Variants in ITIH2 observed in about 807,000 individuals in gnomAD.
ITIH2 encodes the protein inter-alpha-trypsin inhibitor heavy chain H2.
ITIH2 carries 103 observed loss-of-function variants against 104.4 expected under a neutral mutation model. The ratio of observed to expected loss-of-function variants is 0.99; its 90% CI spans 0.84 to 1.16. ITIH2 has a LOEUF of 1.16. ITIH2 is among the 50% of genes most tolerant of loss of function. ITIH2 has a pLI of 0.00. For synonymous variants in ITIH2, 436 were observed against 435.4 expected (o/e 1.00, Z -0.02); for missense variants, 1,108 against 1,162.4 (o/e 0.95, Z 0.68).
At chr10:7,739,257 T>A (rs901744486) in intron 16 of ITIH2, among the ~76,000 whole-genome samples, 1 of 152,192 alleles carries the variant, frequency 6.6e-6, no homozygotes, top group Non-Finnish European at 1.5e-5. Context: ...CCCACAGAGA[T>A]CACAGCTGCT....
chr10:7,719,225 A>G (rs1834878788), intron 6 of ITIH2, among the ~76,000 whole-genome samples: 1 of 152,232 alleles, frequency 6.6e-6, no homozygotes, highest in Non-Finnish European at 1.5e-5. Context: ...TCAGTTCACT[A>G]TCAGAGTCTA....
At chr10:7,714,671 T>A (rs974650099) in intron 5 of ITIH2, among the ~76,000 whole-genome samples, 3 of 152,152 alleles carry the variant, frequency 2.0e-5, no homozygotes, top group Non-Finnish European at 2.9e-5. Flanking sequence ...GTCAGCCTCA[T>A]GCAGGAGACA....
intron 14 of ITIH2, among the ~76,000 whole-genome samples, chr10:7,732,813 C>T (rs57377007): frequency 0.12 from 17,645 of 152,064 alleles, 1,087 homozygotes; most frequent in Admixed American, 0.18. Flanking sequence ...CTGCAAGCTC[C>T]GCCTCCCGGG....
intron 15 of ITIH2, among the ~76,000 whole-genome samples, chr10:7,736,061 C>G (rs11255326): frequency 0.021 from 3,123 of 152,148 alleles, 111 homozygotes; most frequent in African/African-American, 0.066. Flanking sequence ...TAAGCAAATC[C>G]TATATTACAA....
intron 8 of ITIH2, among the ~76,000 whole-genome samples, chr10:7,722,977 A>G (rs1044278377): frequency 1.4e-5 from 2 of 143,946 alleles, no homozygotes; most frequent in African/African-American, 5.2e-5. Context: ...GAGTGGAGTG[A>G]AGTGGCGTGG....
intron 15 of ITIH2, 91 bp from the exon 16 acceptor site, chr10:7,738,530 T>G (rs887253131): frequency 7.1e-7 from 1 of 1,410,962 alleles, no homozygotes; most frequent in Non-Finnish European, 1.0e-6. Flanking sequence ...TGACAATACC[T>G]GGGGGTGCAT....
intron 19 of ITIH2, among the ~76,000 whole-genome samples, chr10:7,745,736 A>G (rs1031057117): frequency 6.6e-6 from 1 of 150,872 alleles, no homozygotes; most frequent in African/African-American, 2.4e-5. Context: ...ACAGAGGGAG[A>G]CTCCATCTCT....
chr10:7,731,830 C>T lies in ITIH2; in HGVS notation c.1481C>T (p.Ser494Phe), dbSNP rs1050374969. The change falls in exon 13 of 21, where the codon TCC becomes TTC. Residue 494 changes from serine (S) to phenylalanine (F), a missense_variant. Physicochemically the swap from Ser to Phe is radical, Grantham distance 155. Transcript: ENST00000358415. ...SQLKKFYNQVSTPLLRNVQFN... is the reference protein window; with the variant it reads ...SQLKKFYNQVFTPLLRNVQFN... ...TTGTAGAAATTCTACAACCAGGTCT[C>T]CACTCCATTGCTCCGGAATGTTCAG... The T allele has an allele frequency of 6.2e-7, 1 of 1,609,542 alleles. No individual in the cohort carries two copies. Among genetic ancestry groups the T allele is most frequent in the Non-Finnish European group, 8.5e-7 (1 of 1,177,706 alleles).
chr10:7,703,454 T>C lies in ITIH2; in HGVS notation c.20T>C (p.Phe7Ser). Residue 7 changes from phenylalanine (F) to serine (S), a missense_variant, in exon 1 of 21, where the codon TTT becomes TCT. Coordinates refer to ENST00000358415, the MANE Select transcript of ITIH2 (RefSeq NM_002216.3). MKRLTC[F>S]FICFFLSEVS... is the part of the protein sequence containing the mutation. ...AGCAAAATGAAAAGACTCACGTGCT[T>C]TTTCATCTGCTTCTTTCTTTCTGAA... 2 of 1,613,982 alleles carry C rather than the reference T, an allele frequency of 1.2e-6. No individual in the cohort carries two copies. The highest frequency in any genetic ancestry group is 1.7e-6 in the Non-Finnish European group (2 of 1,179,854).
intron 16 of ITIH2, among the ~76,000 whole-genome samples, chr10:7,740,732 C>T (rs1377154997): frequency 6.6e-6 from 1 of 152,196 alleles, no homozygotes; most frequent in Non-Finnish European, 1.5e-5. Flanking sequence ...CTTGTCCATA[C>T]ACTGAAATCT....
At chr10:7,703,979 C>T (rs1834721861) in intron 1 of ITIH2, among the ~76,000 whole-genome samples, 1 of 152,228 alleles carries the variant, frequency 6.6e-6, no homozygotes, top group Non-Finnish European at 1.5e-5. Context: ...CACTGTTTTT[C>T]ATATCTAAGT....
chr10:7,745,227 G>T (rs552957548), intron 19 of ITIH2, among the ~76,000 whole-genome samples: 1 of 152,272 alleles, frequency 6.6e-6, no homozygotes, highest in East Asian at 1.9e-4. Flanking sequence ...TTATGTTAAA[G>T]ATTTTTTTCT....
At position 7,717,578 on chromosome 10, in the gene ITIH2, T is replaced by C. The variant is rs1473113183; in HGVS notation, c.468-48T>C. ...CCTCTGCCTAGATTCTGGGTCTTGC[T>C]GCTCAATCATGTATCTGTTGACTTT... is the stretch of plus-strand genomic sequence containing the variant. On this transcript the variant is annotated intron_variant, in intron 5 of 20. Coordinates refer to ENST00000358415, the MANE Select transcript of ITIH2 (RefSeq NM_002216.3). 4 of 1,576,344 alleles carry C rather than the reference T, an allele frequency of 2.5e-6. No homozygotes were observed. The African/African-American group carries it at 4.0e-5, about 16-fold the overall frequency.
Position 7,743,213 on chromosome 10 carries a change from C to A in ITIH2, c.2163C>A (p.Asp721Glu). The A allele has an allele frequency of 6.3e-7, 1 of 1,596,530 alleles. No individual in the cohort carries two copies. Among genetic ancestry groups the A allele is most frequent in the Non-Finnish European group, 8.5e-7 (1 of 1,172,436 alleles). The part of the protein sequence containing the change: ...KSQKNICFNI[D>E]SEPGKILNLV... Reference sequence around the variant, plus strand: ...AAAAGAACATTTGTTTCAATATTGACTCAGAACCTGGAAAAATCCTCAACC... The same window carrying A: ...AAAAGAACATTTGTTTCAATATTGAATCAGAACCTGGAAAAATCCTCAACC... Residue 721 changes from aspartate (D) to glutamate (E), a missense_variant, in exon 17 of 21, where the codon GAC becomes GAA. By Grantham distance (45) the Asp-to-Glu change is conservative. Coordinates refer to ENST00000358415, the MANE Select transcript of ITIH2 (RefSeq NM_002216.3).
chr10:7,716,228 ACCTCAG>A (rs1378351647), intron 5 of ITIH2, among the ~76,000 whole-genome samples: 61 of 151,886 alleles, frequency 4.0e-4, no homozygotes, highest in African/African-American at 1.1e-3. Context: ...TGACCCACCC[ACCTCAG>A]CCTCCCAAAG....
At chr10:7,722,453 C>T (rs1011226199) in intron 8 of ITIH2, among the ~76,000 whole-genome samples, 7 of 152,160 alleles carry the variant, frequency 4.6e-5, no homozygotes, top group Admixed American at 4.6e-4. Flanking sequence ...CTGGGGCAGC[C>T]TCTCATTAAC....
chr10:7,714,726 A>G (rs1834831687), intron 5 of ITIH2, among the ~76,000 whole-genome samples: 2 of 152,176 alleles, frequency 1.3e-5, no homozygotes, highest in South Asian at 4.1e-4. Flanking sequence ...GCAAGGGCTA[A>G]TACGGAAGAG....
At chr10:7,715,550 G>A (rs1264274802) in intron 5 of ITIH2, among the ~76,000 whole-genome samples, 4 of 152,138 alleles carry the variant, frequency 2.6e-5, no homozygotes, top group Non-Finnish European at 5.9e-5. Context: ...GATACGGCAG[G>A]GAACGCAGAG....
chr10:7,744,410 A>G (rs773454745), intron 18 of ITIH2, 130 bp downstream of exon 18: 29 of 836,630 alleles, frequency 3.5e-5, no homozygotes, highest in Non-Finnish European at 5.0e-5. Context: ...GGTTCAGAAA[A>G]ATTGTTCTCA....
Sources: gnomAD v4.1 joint callset for allele counts (sites outside exome capture counted in the v4.1 genomes callset) on GRCh38, gnomAD v4.1.1 for gene constraint, MANE v1.5 for transcripts, NCBI Gene and HGNC (gene_info 2026-07-23, HGNC 2026-07-21) for gene names.